The following LAMB1 variants were observed in gnomAD, a reference collection of about 807,000 sequenced individuals.
The protein encoded by LAMB1 is laminin subunit beta 1.
A neutral mutation model predicts 222.3 loss-of-function variants in LAMB1; 121 were observed. The observed-to-expected ratio is 0.54, with a 90% CI of 0.47 to 0.63. The LOEUF (loss-of-function observed/expected upper bound fraction) is 0.63, where lower values mean the gene tolerates loss of function less well. LAMB1 is among the 30% of genes least tolerant of loss of function. The pLI, the probability that LAMB1 is intolerant of heterozygous loss-of-function variation, is 0.00. For missense variants in LAMB1, 2,172 were observed against 2,240.8 expected (o/e 0.97, Z 0.62); for synonymous variants, 794 against 807.2 (o/e 0.98, Z 0.28).
intron 24 of LAMB1, 130 bp from the exon 25 acceptor site, chr7:107,940,488 G>T: frequency 1.0e-6 from 1 of 964,636 alleles, no homozygotes; most frequent in Non-Finnish European, 1.5e-6. Context: ...TTGACCAATG[G>T]CTCAGGTAGA....
rs79744133 is a variant in LAMB1 at position 107,939,200 on chromosome 7, G to A, written c.3761+789C>T. Among the ~76,000 whole-genome samples the A allele has an allele frequency of 1.0e-3, 154 of 152,202 alleles. 2 individuals carry two copies. In the East Asian group the frequency reaches 0.018, roughly 17 times the overall value. On this transcript the variant is annotated intron_variant, in intron 25 of 33. Transcript: ENST00000222399. ...CTTAGGTCTTATTGTGCTGTTTTGG[G>A]GGTTCCTTTTTGGCAAAAGGAGTTG...
At chr7:107,996,492 G>A (rs1391738089) in intron 4 of LAMB1, among the ~76,000 whole-genome samples, 1 of 152,180 alleles carries the variant, frequency 6.6e-6, no homozygotes, top group Non-Finnish European at 1.5e-5. Flanking sequence ...ACAACACACA[G>A]AAAATAGATA....
intron 25 of LAMB1, among the ~76,000 whole-genome samples, chr7:107,938,503 GA>G (rs903949157): frequency 6.6e-6 from 1 of 151,422 alleles, no homozygotes; most frequent in African/African-American, 2.4e-5. Flanking sequence ...ATAGTATGTT[GA>G]AAAAAAAGAG....
intron 14 of LAMB1, 26 bp downstream of exon 14, chr7:107,964,526 G>A (rs769020638): frequency 1.5e-5 from 25 of 1,613,582 alleles, no homozygotes; most frequent in South Asian, 8.8e-5. Context: ...CTGCTTTACC[G>A]ACCTGCCACA....
chr7:108,002,867 G>C lies in LAMB1; in HGVS notation c.19C>G (p.Leu7Val). The change falls in exon 2 of 34, where the codon CTA becomes GTA. Residue 7 changes from leucine (L) to valine (V), a missense_variant. Leu to Val is a conservative substitution (Grantham distance 32). Coordinates refer to ENST00000222399, the MANE Select transcript of LAMB1 (RefSeq NM_002291.3). ...GAATTACCTAAGAAACTGAAAGCTA[G>C]CAACTGGAGAAGCCCCATGCCGGCT... Reference protein sequence around the residue: MGLLQLLAFSFLALCRA... With the variant: MGLLQLVAFSFLALCRA... The C allele has an allele frequency of 6.2e-7, 1 of 1,614,180 alleles. No homozygotes were observed. The highest frequency in any genetic ancestry group is 8.5e-7 in the Non-Finnish European group (1 of 1,180,032).
intron 21 of LAMB1, among the ~76,000 whole-genome samples, chr7:107,954,958 A>C (rs2033343788): frequency 6.6e-6 from 1 of 152,232 alleles, no homozygotes; most frequent in South Asian, 2.1e-4. Context: ...TATTTGTAAC[A>C]GTGGCTTCAA....
At position 107,924,035 on chromosome 7, in the gene LAMB1, T is replaced by A. The variant is rs774377972; in HGVS notation, c.5277A>T (p.Gln1759His). Residue 1759 changes from glutamine to histidine, a missense_variant, in exon 34 of 34, where the codon CAA (glutamine) becomes CAT (histidine). Physicochemically the swap from Gln to His is conservative, Grantham distance 24. Coordinates refer to ENST00000222399, the MANE Select transcript of LAMB1 (RefSeq NM_002291.3). ...CTTCTCCTTCCAGTCTTGCTAATTC[T>A]TGAGCTTTATCTTCTAAGTATCTTT... ...DNQRYLEDKA[Q>H]ELARLEGEVR... 11 of 1,588,208 alleles carry A rather than the reference T, an allele frequency of 6.9e-6. No homozygotes were observed. In the South Asian group the frequency reaches 9.3e-5, roughly 13 times the overall value.
chr7:107,957,654 T>C (rs2033406701), intron 20 of LAMB1, among the ~76,000 whole-genome samples: 1 of 152,218 alleles, frequency 6.6e-6, no homozygotes, highest in African/African-American at 2.4e-5. Context: ...CCAATTCAAT[T>C]TGTTTCTCAA....
intron 31 of LAMB1, among the ~76,000 whole-genome samples, chr7:107,926,951 A>G (rs1311935834): frequency 2.0e-5 from 3 of 152,208 alleles, no homozygotes; most frequent in Non-Finnish European, 4.4e-5. Context: ...GCAACTGGTG[A>G]GGATCCACAT....
rs537487266 is a variant in LAMB1, at chr7:107,990,342, G to A, written c.424-3979C>T. ...GGCATGAGCCACTATGCCTGGCCAA[G>A]AGTTATGAGTTTTGAAACATCTAGT... On this transcript the variant is annotated intron_variant, in intron 5 of 33. Coordinates refer to ENST00000222399, the MANE Select transcript of LAMB1 (RefSeq NM_002291.3). Among the ~76,000 whole-genome samples, 33 of 152,200 alleles carry A rather than the reference G, an allele frequency of 2.2e-4. No homozygotes were observed. In the South Asian group the frequency reaches 6.8e-3, roughly 32 times the overall value.
In LAMB1 at chr7:107,975,883, T is replaced by C. The variant is rs1472194319; in HGVS notation, c.1001-6A>G. 2 of 1,612,464 alleles carry C rather than the reference T, an allele frequency of 1.2e-6. No individual in the cohort carries two copies. Among genetic ancestry groups the C allele is most frequent in the Non-Finnish European group, 1.7e-6 (2 of 1,179,172 alleles). ...ATGTTCATTGCAGTTACATTCTGCG[T>C]GACAAGAGCAACGTCAAGAAAAGCT... On this transcript the variant is annotated splice_region_variant and splice_polypyrimidine_tract_variant and intron_variant, in intron 9 of 33. Coordinates refer to ENST00000222399, the MANE Select transcript of LAMB1 (RefSeq NM_002291.3).
intron 5 of LAMB1, among the ~76,000 whole-genome samples, chr7:107,994,021 G>A (rs1287595156): frequency 1.3e-5 from 2 of 152,148 alleles, no homozygotes; most frequent in African/African-American, 2.4e-5. Context: ...ATGGCTACCC[G>A]CCCACATGGT....
Position 107,924,007 on chromosome 7 carries a change from G to A in LAMB1, c.5305C>T (p.Arg1769Cys), listed in dbSNP as rs770117339. 34 of 1,602,160 alleles carry A rather than the reference G, an allele frequency of 2.1e-5. 1 individual carries two copies. The South Asian group carries it at 2.3e-4, about 11-fold the overall frequency. ...QELARLEGEV[R>C]SLLKDISQKV... ...TGGCTTATATCCTTTAGGAGTGAAC[G>A]GACTTCTCCTTCCAGTCTTGCTAAT... The change falls in exon 34 of 34, where the codon CGT (arginine) becomes TGT (cysteine). Residue 1769 changes from arginine to cysteine, a missense_variant. By Grantham distance (180) the Arg-to-Cys change is radical. Transcript: ENST00000222399.
Position 107,929,103 on chromosome 7 carries a change from T to C in LAMB1, c.4848A>G (p.Ala1616=), listed in dbSNP as rs754915045. ...QVAAEKAIKQ[A]DEDIQGTQNL... is the part of the protein sequence containing the mutation. ...TCTGGGTTCCTTGAATGTCTTCATCTGCTTGTTTAATTGCCTTCTCTGCTG... is the reference window on the plus strand; with the variant it reads ...TCTGGGTTCCTTGAATGTCTTCATCCGCTTGTTTAATTGCCTTCTCTGCTG... Residue 1616 remains alanine, a synonymous_variant, in exon 31 of 34, where the codon GCA becomes GCG. Transcript: ENST00000222399. The C allele has an allele frequency of 1.2e-5, 19 of 1,614,092 alleles. No homozygotes were observed. The highest frequency in any genetic ancestry group is 1.5e-5 in the Non-Finnish European group (18 of 1,179,988).
intron 20 of LAMB1, among the ~76,000 whole-genome samples, chr7:107,957,279 T>A (rs533240979): frequency 2.7e-4 from 41 of 152,280 alleles, no homozygotes; most frequent in African/African-American, 9.4e-4. Context: ...TAATCCCAGC[T>A]ACTTGGGAGG....
chr7:107,926,291 C>T lies in LAMB1; in HGVS notation c.4956G>A (p.Glu1652=), dbSNP rs766558780. ...FNASQRISEL[E]RNVEELKRKA... ...TCCGCTTAAGTTCTTCCACATTCCT[C>T]TCTAACTCGCTGATGCGCTGGGACG... Residue 1652 remains glutamate (E), a synonymous_variant, in exon 32 of 34, where the codon GAG becomes GAA. Transcript: ENST00000222399. 58 of 1,613,902 alleles carry T rather than the reference C, an allele frequency of 3.6e-5. No homozygotes were observed. The highest frequency in any genetic ancestry group is 4.5e-5 in the Non-Finnish European group (53 of 1,179,904).
At chr7:107,993,141 T>C (rs2034217151) in intron 5 of LAMB1, among the ~76,000 whole-genome samples, 2 of 152,064 alleles carry the variant, frequency 1.3e-5, no homozygotes, top group African/African-American at 4.8e-5. Flanking sequence ...CTTGTACCTA[T>C]TCTTTTTCTC....
chr7:107,955,656 G>A (rs1200933148), intron 20 of LAMB1, 26 bp from the exon 21 acceptor site: 4 of 1,585,962 alleles, frequency 2.5e-6, no homozygotes, highest in Non-Finnish European at 2.6e-6. Flanking sequence ...AAGAGAACAG[G>A]CCATGACCCC....
At chr7:107,967,439 G>A (rs1324659922) in intron 13 of LAMB1, among the ~76,000 whole-genome samples, 1 of 151,874 alleles carries the variant, frequency 6.6e-6, no homozygotes. Context: ...TTCCTACAGT[G>A]CTGCTTTCAT....
Sources: allele counts gnomAD v4.1 joint callset (sites outside exome capture counted in the v4.1 genomes callset), GRCh38; gene constraint gnomAD v4.1.1; transcripts MANE v1.5; gene names NCBI Gene and HGNC (gene_info 2026-07-23, HGNC 2026-07-21).